The following EPM2A variants were observed in gnomAD, a reference collection of about 807,000 sequenced individuals.
EPM2A encodes the protein laforin.
A neutral mutation model predicts 26.5 loss-of-function variants in EPM2A; 21 were observed. The ratio of observed to expected loss-of-function variants is 0.79; its 90% confidence interval spans 0.56 to 1.14. The LOEUF (loss-of-function observed/expected upper bound fraction) is 1.14, where lower values mean the gene tolerates loss of function less well. EPM2A is among the 50% of genes most tolerant of loss of function. The probability of loss-of-function intolerance (pLI) is 0.00; values close to 1 mark genes in which losing one functional copy is unlikely to be tolerated. For missense variants in EPM2A, 458 were observed against 440.8 expected, an observed-to-expected ratio of 1.04 and a Z score of -0.35; for synonymous variants, 217 against 177.6, an observed-to-expected ratio of 1.22 and a Z score of -1.76.
chr6:145,631,408 C>T (rs1451757121), intron 3 of EPM2A: 2 of 152,096 alleles, frequency 1.3e-5, no homozygotes, highest in Non-Finnish European at 2.9e-5. Flanking sequence ...ACTTTAAATG[C>T]TGACAACTAA....
intron 2 of EPM2A, among the ~76,000 whole-genome samples, chr6:145,591,405 C>A (rs1379974439): frequency 6.6e-6 from 1 of 152,042 alleles, no homozygotes; most frequent in Admixed American, 6.6e-5. Context: ...GTAGACAGAT[C>A]ATCTTCAACT....
At chr6:145,734,663 G>T (rs1776716453) in intron 1 of EPM2A, 1 of 152,190 alleles carries the variant, frequency 6.6e-6, no homozygotes, top group Non-Finnish European at 1.5e-5. Context: ...CGCTAGTTTC[G>T]TTGGTTGGAT....
intron 2 of EPM2A, chr6:145,635,935 G>A: frequency 5.0e-6 from 1 of 198,318 alleles, no homozygotes; most frequent in Non-Finnish European, 1.0e-5. Context: ...CAAATAGTAT[G>A]AGACTTTTAA....
chr6:145,525,640 G>T (rs899992653), intron 2 of EPM2A, among the ~76,000 whole-genome samples: 1 of 152,054 alleles, frequency 6.6e-6, no homozygotes, highest in Non-Finnish European at 1.5e-5. Flanking sequence ...TGTGTACATT[G>T]ATTTTGTTTC....
At chr6:145,697,930 G>T (rs1475059699) in intron 1 of EPM2A, among the ~76,000 whole-genome samples, 1 of 152,158 alleles carries the variant, frequency 6.6e-6, no homozygotes, top group Non-Finnish European at 1.5e-5. Flanking sequence ...AGCTTACGAA[G>T]ATGATGGGAT....
intron 1 of EPM2A, among the ~76,000 whole-genome samples, chr6:145,704,416 A>G (rs1026785719): frequency 1.3e-5 from 2 of 152,244 alleles, no homozygotes; most frequent in African/African-American, 4.8e-5. Flanking sequence ...TTCAAATTTG[A>G]AAAGATTTTA....
rs562331233 is a variant in EPM2A, at chr6:145,544,517, A to C, written c.341-41942T>G. Among the ~76,000 whole-genome samples the C allele has an allele frequency of 5.3e-5, 8 of 152,332 alleles. No individual in the cohort carries two copies. In the East Asian group the frequency reaches 1.5e-3, roughly 29 times the overall value. On this transcript the variant is annotated intron_variant, in intron 2 of 3. Transcript: ENST00000450221. ...AAATTGTGTGGGGAGAGTACAGGTT[A>C]TCAAGTTCAGGATCCAAGTTCAGTC...
intron 2 of EPM2A, among the ~76,000 whole-genome samples, chr6:145,576,845 G>C (rs540123375): frequency 9.9e-5 from 15 of 151,704 alleles, no homozygotes; most frequent in Admixed American, 6.6e-5. Flanking sequence ...AATATAAAAA[G>C]GTATAGAGAC....
intron 4 of EPM2A, among the ~76,000 whole-genome samples, chr6:145,474,544 T>C (rs1172165517): frequency 7.2e-5 from 11 of 152,032 alleles, no homozygotes; most frequent in Admixed American, 7.2e-4. Flanking sequence ...GGCAATACCA[T>C]TCAGGACATA....
intron 4 of EPM2A, chr6:145,489,739 C>T: frequency 6.8e-7 from 1 of 1,461,950 alleles, no homozygotes; most frequent in East Asian, 2.3e-5. Context: ...TCTTCCCTGG[C>T]AGCCTCAGCA....
intron 3 of EPM2A, among the ~76,000 whole-genome samples, chr6:145,634,905 T>A (rs562284486): frequency 6.6e-6 from 1 of 152,316 alleles, no homozygotes; most frequent in East Asian, 1.9e-4. Context: ...CTATTTTTAG[T>A]CATTTGATTA....
rs1360921728 is a variant in EPM2A, at chr6:145,482,869, T to TTA, written c.555+19652_555+19653insTA. On this transcript the variant is annotated intron_variant, in intron 4 of 4. Transcript: ENST00000638717. ...ATGTCTTAAATTATAGCTATTCTTTTTTTTTTTTCTGTGGCTTAAAGAACA... is the reference window on the plus strand; with the variant it reads ...ATGTCTTAAATTATAGCTATTCTTTTTATTTTTTTTCTGTGGCTTAAAGAACA... Among the ~76,000 whole-genome samples the TTA allele has an allele frequency of 2.0e-5, 3 of 151,860 alleles. No homozygotes were observed. In the East Asian group the frequency reaches 5.8e-4, roughly 29 times the overall value.
intron 2 of EPM2A, among the ~76,000 whole-genome samples, chr6:145,647,025 CCACAA>C (rs1377234300): frequency 2.6e-5 from 4 of 152,170 alleles, no homozygotes; most frequent in Non-Finnish European, 5.9e-5. Flanking sequence ...TCCTTCAGAT[CCACAA>C]CACTTAAGAA....
Position 145,626,798 on chromosome 6 carries a change from T to C in EPM2A, c.*618A>G, listed in dbSNP as rs539582147. 4.1e-6 allele frequency: 4 copies of C among 985,960 alleles called. No homozygotes were observed. Among genetic ancestry groups the C allele is most frequent in the Admixed American group, 6.1e-5 (1 of 16,378 alleles). 61.1% of individuals were successfully genotyped at this position (985,960 alleles called of 1,614,324 possible). ...AGGAAAAACAACAACAAATGAGAGA[T>C]AATTCTACTTTAGTTGTTACACAGG... On this transcript the variant is annotated 3_prime_UTR_variant, in exon 4 of 4. Coordinates refer to ENST00000367519, the MANE Select transcript of EPM2A (RefSeq NM_005670.4).
At chr6:145,687,782 C>T (rs1781026481) in intron 1 of EPM2A, among the ~76,000 whole-genome samples, 1 of 152,160 alleles carries the variant, frequency 6.6e-6, no homozygotes, top group Non-Finnish European at 1.5e-5. Context: ...CAGGATGACT[C>T]TCTTAATAAA....
chr6:145,680,024 G>C (rs1366309986), intron 2 of EPM2A: 2 of 152,034 alleles, frequency 1.3e-5, no homozygotes, highest in African/African-American at 2.4e-5. Flanking sequence ...AAAGTCAATA[G>C]ATAATACCTA....
intron 4 of EPM2A, among the ~76,000 whole-genome samples, chr6:145,462,509 G>T (rs1449574486): frequency 6.6e-6 from 1 of 152,102 alleles, no homozygotes; most frequent in Non-Finnish European, 1.5e-5. Flanking sequence ...TTTTTATAAA[G>T]AATATTTTGT....
At chr6:145,456,746 T>C (rs1305406187) in intron 4 of EPM2A, among the ~76,000 whole-genome samples, 1 of 152,210 alleles carries the variant, frequency 6.6e-6, no homozygotes, top group Non-Finnish European at 1.5e-5. Context: ...CATACTTACA[T>C]GAACAACAGA....
chr6:145,436,840 T>C (rs1158666896), intron 4 of EPM2A, among the ~76,000 whole-genome samples: 1 of 152,126 alleles, frequency 6.6e-6, no homozygotes, highest in Non-Finnish European at 1.5e-5. Flanking sequence ...TTGTTTTTTT[T>C]CCTACTATAA....
Sources: allele counts gnomAD v4.1 joint callset (sites outside exome capture counted in the v4.1 genomes callset), GRCh38; gene constraint gnomAD v4.1.1; transcripts MANE v1.5; gene names NCBI Gene and HGNC (gene_info 2026-07-23, HGNC 2026-07-21).